Variants in FCN3 observed in about 807,000 individuals in gnomAD.
FCN3 encodes the protein ficolin-3.
In FCN3, 28 loss-of-function variants were observed where a neutral mutation model predicts 31.5. The observed-to-expected ratio is 0.89, with a 90% CI of 0.66 to 1.22. FCN3 has a LOEUF of 1.22. FCN3 is among the 50% of genes most tolerant of loss of function. The probability of loss-of-function intolerance (pLI) is 0.00; values close to 1 mark genes in which losing one functional copy is unlikely to be tolerated. For missense variants in FCN3, 351 were observed against 386.8 expected (o/e 0.91, Z 0.78); for synonymous variants, 124 against 147.4 (o/e 0.84, Z 1.15).
At chr1:27,369,703 C>T (rs1046140447) in intron 7 of FCN3, among the ~76,000 whole-genome samples, 2 of 151,988 alleles carry the variant, frequency 1.3e-5, no homozygotes, top group Admixed American at 1.3e-4. Flanking sequence ...GCTTTTCCCC[C>T]TGTCTTACCC....
chr1:27,374,199 T>C (rs1041207827), intron 2 of FCN3, 157 bp downstream of exon 2: 20 of 709,244 alleles, frequency 2.8e-5, no homozygotes, highest in Non-Finnish European at 4.6e-5. Context: ...ACCACTTACC[T>C]GGCAGAGTTG....
intron 5 of FCN3, among the ~76,000 whole-genome samples, chr1:27,372,771 C>CTCTTTT (rs1227181271): frequency 8.3e-5 from 5 of 59,892 alleles, no homozygotes; most frequent in Non-Finnish European, 1.3e-4. Context: ...CCTCCCTACC[C>CTCTTTT]TATTTTTTTT....
chr1:27,371,824 A>G (rs539475936), intron 5 of FCN3, among the ~76,000 whole-genome samples: 13 of 149,610 alleles, frequency 8.7e-5, no homozygotes, highest in Admixed American at 1.3e-4. Context: ...CAGTGGTGTG[A>G]TCTCGGCTCA....
At position 27,370,659 on chromosome 1, in the gene FCN3, G is replaced by A. The variant is rs764351943; in HGVS notation, c.595C>T (p.Arg199Cys). 3.2e-5 allele frequency: 51 copies of A among 1,614,114 alleles called. No individual in the cohort carries two copies. Among genetic ancestry groups the A allele is most frequent in the Admixed American group, 1.2e-4 (7 of 60,008 alleles). The change falls in exon 7 of 8, where the codon CGC becomes TGC. Residue 199 changes from arginine (R) to cysteine (C), a missense_variant. Arg to Cys is a radical substitution (Grantham distance 180, BLOSUM62 -3). Coordinates refer to ENST00000270879, the MANE Select transcript of FCN3 (RefSeq NM_003665.4). The part of the protein sequence containing the change: ...NRTFAHYATF[R>C]LLGEVDHYQL... Reference sequence around the variant, plus strand: ...TAGTGGTCTACCTCACCGAGGAGGCGGAAGGTCGCATAGTGGGCGAAAGTA... The same window carrying A: ...TAGTGGTCTACCTCACCGAGGAGGCAGAAGGTCGCATAGTGGGCGAAAGTA...
rs779349192 is a variant in FCN3, at chr1:27,373,200, C to T, written c.329G>A (p.Cys110Tyr). 1.2e-6 allele frequency: 2 copies of T among 1,613,962 alleles called. No homozygotes were observed. Among genetic ancestry groups the T allele is most frequent in the African/African-American group, 2.7e-5 (2 of 74,912 alleles). ...GATLSGWYHL[C>Y]LPEGRALPVF... The stretch of plus-strand genomic sequence containing the variant: ...TGGGAGGGCCCTGCCCTCAGGTAGG[C>T]ACAGATGGTACCAGCCGCTCAAGGT... The change falls in exon 5 of 8, where the codon TGC (cysteine) becomes TAC (tyrosine). Residue 110 changes from cysteine to tyrosine, a missense_variant. Physicochemically the swap from Cys to Tyr is radical, Grantham distance 194 (BLOSUM62 -2). Coordinates refer to ENST00000270879, the MANE Select transcript of FCN3 (RefSeq NM_003665.4).
At chr1:27,374,240 C>G in intron 2 of FCN3, 116 bp downstream of exon 2, 1 of 784,808 alleles carries the variant, frequency 1.3e-6, no homozygotes, top group East Asian at 2.6e-5. Flanking sequence ...CAGCCTGGAG[C>G]TGGCACAGAG....
At chr1:27,374,678 A>T in intron 1 of FCN3, 50 bp downstream of exon 1, 1 of 1,136,704 alleles carries the variant, frequency 8.8e-7, no homozygotes. Context: ...GGGGACACCC[A>T]GCGAGGGAAT....
At chr1:27,372,771 C>CTG (rs1227181271) in intron 5 of FCN3, among the ~76,000 whole-genome samples, 1 of 59,892 alleles carries the variant, frequency 1.7e-5, no homozygotes, top group African/African-American at 4.3e-5. Context: ...CCTCCCTACC[C>CTG]TATTTTTTTT....
At chr1:27,371,346 C>T (rs560401089) in intron 5 of FCN3, among the ~76,000 whole-genome samples, 3 of 152,184 alleles carry the variant, frequency 2.0e-5, no homozygotes, top group Non-Finnish European at 2.9e-5. Flanking sequence ...GAGGCCGAGG[C>T]GGGTGGATCA....
intron 5 of FCN3, among the ~76,000 whole-genome samples, chr1:27,372,172 T>G (rs1056003858): frequency 3.9e-5 from 6 of 152,158 alleles, no homozygotes; most frequent in Non-Finnish European, 8.8e-5. Flanking sequence ...AATCATCTTT[T>G]TAAAACAGAA....
intron 1 of FCN3, 48 bp from the exon 2 acceptor site, chr1:27,374,499 CA>C: frequency 8.8e-6 from 11 of 1,254,704 alleles, no homozygotes; most frequent in Non-Finnish European, 1.3e-5. Flanking sequence ...CTGTCTCTTC[CA>C]GACCCCTCTT....
intron 7 of FCN3, 116 bp from the exon 8 acceptor site, chr1:27,369,593 C>A (rs532405060): frequency 2.1e-6 from 2 of 935,018 alleles, no homozygotes; most frequent in Non-Finnish European, 3.3e-6. Context: ...TCAGGCCCCA[C>A]GAGCAACACC....
Position 27,373,236 on chromosome 1 carries a change from C to T in FCN3, c.293G>A (p.Ser98Asn), listed in dbSNP as rs2016184878. ...CCAGCCGCTCAAGGTGGCGCCCTGGCTCAACAGCTCCCGGCAGTTTCTGGG... is the reference window on the plus strand; with the variant it reads ...CCAGCCGCTCAAGGTGGCGCCCTGGTTCAACAGCTCCCGGCAGTTTCTGGG... The part of the protein sequence containing the change: ...EGPRNCRELL[S>N]QGATLSGWYH... Residue 98 changes from serine to asparagine, a missense_variant, in exon 5 of 8, where the codon AGC (serine) becomes AAC (asparagine). Ser to Asn is a conservative substitution (Grantham distance 46, BLOSUM62 1). Coordinates refer to ENST00000270879, the MANE Select transcript of FCN3 (RefSeq NM_003665.4). 1.9e-6 allele frequency: 3 copies of T among 1,613,998 alleles called. No homozygotes were observed. The highest frequency in any genetic ancestry group is 2.2e-5 in the South Asian group (2 of 91,090).
intron 5 of FCN3, 102 bp from the exon 6 acceptor site, chr1:27,371,074 A>T: frequency 8.5e-7 from 1 of 1,181,462 alleles, no homozygotes; most frequent in South Asian, 1.4e-5. Flanking sequence ...CTCTCTTTGG[A>T]TTGGGGCCTG....
Position 27,374,459 on chromosome 1 carries a change from G to A in FCN3, c.92-8C>T, listed in dbSNP as rs777315106. 11 of 1,597,112 alleles carry A rather than the reference G, an allele frequency of 6.9e-6. No homozygotes were observed. In the Admixed American group the frequency reaches 1.0e-4, roughly 15 times the overall value. On this transcript the variant is annotated splice_region_variant and splice_polypyrimidine_tract_variant and intron_variant, in intron 1 of 7. Coordinates refer to ENST00000270879, the MANE Select transcript of FCN3 (RefSeq NM_003665.4). ...CTTCCAGTTCCCTGGGTCCTACAGG[G>A]AGACACAGGCAGGGTGGGCACAGGG...
rs757913198 is a variant in FCN3 at position 27,370,959 on chromosome 1, C to T, written c.407G>A (p.Arg136His). 1.4e-5 allele frequency: 23 copies of T among 1,612,250 alleles called. No homozygotes were observed. The highest frequency in any genetic ancestry group is 1.8e-4 in the Middle Eastern group (1 of 5,408). The change falls in exon 6 of 8, where the codon CGC becomes CAC. Residue 136 changes from arginine (R) to histidine (H), a missense_variant. Physicochemically the swap from Arg to His is conservative, Grantham distance 29. Transcript: ENST00000270879. ...GAAGAAATCCACAGAACCATCCTGG[C>T]GCCTCTGAAACACCTGGGGGAGGGG... The part of the protein sequence containing the change: ...EGGGWLVFQR[R>H]QDGSVDFFRS...
At position 27,369,253 on chromosome 1, in the gene FCN3, G is replaced by GAACCCT; in HGVS notation, c.877_882dup (p.Val294_Arg295dup). 3 of 1,614,212 alleles carry GAACCCT rather than the reference G, an allele frequency of 1.9e-6. No homozygotes were observed. Among genetic ancestry groups the GAACCCT allele is most frequent in the Non-Finnish European group, 2.5e-6 (3 of 1,180,026 alleles). On this transcript the variant is annotated inframe_insertion, in exon 8 of 8. Coordinates refer to ENST00000270879, the MANE Select transcript of FCN3 (RefSeq NM_003665.4). ...AGAGTGCCCTATCGAAGCATCATCCGAACCCTGCGGTAGGGGTGGCCCACA... is the reference window on the plus strand; with the variant it reads ...AGAGTGCCCTATCGAAGCATCATCCGAACCCTAACCCTGCGGTAGGGGTGGCCCACA...
chr1:27,374,746 C>T lies in FCN3; in HGVS notation c.73G>A (p.Glu25Lys), dbSNP rs2016217057. ...LGGPACLKTQEHPSCPGPREL... is the reference protein window; with the variant it reads ...LGGPACLKTQKHPSCPGPREL... Reference sequence around the variant, plus strand: ...TGCCCACCTGGGCAGCTGGGGTGTTCCTGGGTCTTCAGGCAGGCAGGCCCC... The same window carrying T: ...TGCCCACCTGGGCAGCTGGGGTGTTTCTGGGTCTTCAGGCAGGCAGGCCCC... The change falls in exon 1 of 8, where the codon GAA becomes AAA. Residue 25 changes from glutamate to lysine, a missense_variant. Physicochemically the swap from Glu to Lys is moderately conservative, Grantham distance 56. Transcript: ENST00000270879. The T allele has an allele frequency of 1.4e-6, 2 of 1,395,330 alleles. No individual in the cohort carries two copies. Among genetic ancestry groups the T allele is most frequent in the Non-Finnish European group, 1.9e-6 (2 of 1,069,812 alleles). 86.4% of individuals were successfully genotyped at this position (1,395,330 alleles called of 1,614,324 possible). A position where few individuals can be genotyped will look rare whatever the true frequency, so the allele number is the denominator to read the frequency against.
chr1:27,369,555 T>C, intron 7 of FCN3, 78 bp from the exon 8 acceptor site: 1 of 1,382,222 alleles, frequency 7.2e-7, no homozygotes, highest in African/African-American at 1.4e-5. Flanking sequence ...GCCATGGGAG[T>C]CTCAGAGCAA....
Sources: allele counts gnomAD v4.1 joint callset (sites outside exome capture counted in the v4.1 genomes callset), GRCh38; gene constraint gnomAD v4.1.1; transcripts MANE v1.5; gene names NCBI Gene and HGNC (gene_info 2026-07-23, HGNC 2026-07-21).